The following AGTPBP1 variants were observed in gnomAD, a reference collection of about 807,000 sequenced individuals.
AGTPBP1 encodes the protein ATP/GTP binding carboxypeptidase 1.
In AGTPBP1, 70 loss-of-function variants were observed where a neutral mutation model predicts 143.9. The ratio of observed to expected loss-of-function variants is 0.49; its 90% CI spans 0.40 to 0.59. AGTPBP1 has a LOEUF of 0.59. AGTPBP1 is among the 20% of genes least tolerant of loss of function. The probability of loss-of-function intolerance (pLI) is 0.00; values close to 1 mark genes in which losing one functional copy is unlikely to be tolerated. For synonymous variants in AGTPBP1, 463 were observed against 500.2 expected, an observed-to-expected ratio of 0.93 and a Z score of 0.99; for missense variants, 1,229 against 1,464.5, an observed-to-expected ratio of 0.84 and a Z score of 2.62.
At chr9:85,708,930 A>C (rs2134447705) in intron 2 of AGTPBP1, among the ~76,000 whole-genome samples, 1 of 152,296 alleles carries the variant, frequency 6.6e-6, no homozygotes, top group South Asian at 2.1e-4. Context: ...AAATAATACC[A>C]ATTATATACA....
At chr9:85,633,442 ATTC>A in intron 13 of AGTPBP1, 68 bp from the exon 14 acceptor site, 1 of 1,199,530 alleles carries the variant, frequency 8.3e-7, no homozygotes, top group Non-Finnish European at 1.1e-6. Flanking sequence ...AAACTAATAC[ATTC>A]ATGTTATATA....
chr9:85,681,327 T>C lies in AGTPBP1; in HGVS notation c.166A>G (p.Arg56Gly). The C allele has an allele frequency of 1.9e-6, 3 of 1,611,490 alleles. No individual in the cohort carries two copies. Among genetic ancestry groups the C allele is most frequent in the Non-Finnish European group, 2.5e-6 (3 of 1,179,490 alleles). Residue 56 changes from arginine (R) to glycine (G), a missense_variant, in exon 4 of 26, where the codon AGG (arginine) becomes GGG (glycine). This residue lies in a region of AGTPBP1 where 743 missense variants were observed against 812.2 expected (regional missense o/e 0.91). Transcript: ENST00000357081. ...GAACCTTTGGCTGTCATTTCTCTCC[T>C]TGTTTTTTCTGAAAAGTAGCAAACA... ...LHLAQSQEKT[R>G]REMTAKGSTG...
intron 3 of AGTPBP1, among the ~76,000 whole-genome samples, chr9:85,682,264 A>G (rs1835237164): frequency 6.6e-6 from 1 of 151,964 alleles, no homozygotes; most frequent in Admixed American, 6.6e-5. Context: ...TTTGATTAGC[A>G]AAAGAAGAAA....
At chr9:85,704,548 T>C (rs1361171820) in intron 2 of AGTPBP1, among the ~76,000 whole-genome samples, 3 of 152,214 alleles carry the variant, frequency 2.0e-5, no homozygotes, top group African/African-American at 4.8e-5. Context: ...TTTAGTCAGA[T>C]AGACTGAGAA....
At chr9:85,634,156 T>C (rs990859979) in intron 13 of AGTPBP1, among the ~76,000 whole-genome samples, 46 of 135,024 alleles carry the variant, frequency 3.4e-4, no homozygotes, top group African/African-American at 1.2e-3. Flanking sequence ...ATCATGCCAC[T>C]GCACTCCAGC....
At chr9:85,580,674 C>T (rs1978528) in intron 23 of AGTPBP1, among the ~76,000 whole-genome samples, 43,490 of 152,004 alleles carry the variant, frequency 0.29, 9,339 homozygotes, top group African/African-American at 0.59. Context: ...CTATCGTTCA[C>T]GGTATTTGGT....
At chr9:85,693,489 T>C (rs1391456345) in intron 2 of AGTPBP1, among the ~76,000 whole-genome samples, 2 of 152,016 alleles carry the variant, frequency 1.3e-5, no homozygotes, top group African/African-American at 2.4e-5. Context: ...TCCCAGCTAC[T>C]TGGGAGGCTG....
At chr9:85,719,466 G>A (rs890686646) in intron 1 of AGTPBP1, among the ~76,000 whole-genome samples, 5 of 151,562 alleles carry the variant, frequency 3.3e-5, no homozygotes, top group Admixed American at 2.0e-4. Flanking sequence ...GGCTCTGTCT[G>A]TAATTGGTGT....
intron 2 of AGTPBP1, among the ~76,000 whole-genome samples, chr9:85,696,743 T>C (rs1049175867): frequency 4.6e-5 from 7 of 151,902 alleles, no homozygotes; most frequent in Non-Finnish European, 1.0e-4. Flanking sequence ...AAATGACCAA[T>C]GCATGGTGTT....
chr9:85,676,155 T>C (rs1338452557), intron 6 of AGTPBP1, among the ~76,000 whole-genome samples: 2 of 152,218 alleles, frequency 1.3e-5, no homozygotes, highest in Non-Finnish European at 2.9e-5. Flanking sequence ...CAAAATTTAG[T>C]AAGACCTGGA....
At position 85,716,593 on chromosome 9, in the gene AGTPBP1, A is replaced by G. The variant is rs1587965426; in HGVS notation, c.-33-4027T>C. On this transcript the variant is annotated intron_variant, in intron 1 of 25. Coordinates refer to ENST00000357081, the MANE Select transcript of AGTPBP1 (RefSeq NM_001330701.2). ...CCTGTCCCACATCCAATACATCAGA[A>G]AGTCTTGATAATTCTACTTTTAAAA... Among the ~76,000 whole-genome samples, 5 of 152,146 alleles carry G rather than the reference A, an allele frequency of 3.3e-5. No individual in the cohort carries two copies. In the South Asian group the frequency reaches 1.0e-3, roughly 32 times the overall value.
intron 8 of AGTPBP1, among the ~76,000 whole-genome samples, chr9:85,667,969 A>T (rs893742376): frequency 3.3e-4 from 50 of 151,732 alleles, no homozygotes; most frequent in African/African-American, 1.1e-3. Flanking sequence ...TACCGTTAAT[A>T]TTGTTGGGCA....
chr9:85,580,430 G>A (rs973987537), intron 23 of AGTPBP1, among the ~76,000 whole-genome samples: 6 of 150,364 alleles, frequency 4.0e-5, no homozygotes, highest in Admixed American at 2.0e-4. Flanking sequence ...ATGGAGTCTC[G>A]CACTGTTGCT....
chr9:85,763,959 C>G, the AGTPBP1 span, among the ~76,000 whole-genome samples: 2 of 151,964 alleles, frequency 1.3e-5, no homozygotes, highest in African/African-American at 4.8e-5. Flanking sequence ...ATAAATCTGG[C>G]CATATTTTCT....
At chr9:85,556,410 CAAA>C (rs1284978571) in intron 25 of AGTPBP1, among the ~76,000 whole-genome samples, 1 of 151,752 alleles carries the variant, frequency 6.6e-6, no homozygotes, top group Non-Finnish European at 1.5e-5. Context: ...GAATTAATCT[CAAA>C]GAAGGTGAGA....
chr9:85,644,973 T>C (rs80326817), intron 12 of AGTPBP1, among the ~76,000 whole-genome samples: 6,427 of 152,158 alleles, frequency 0.042, 332 homozygotes, highest in East Asian at 0.25. Flanking sequence ...AACAATTCCA[T>C]AGTTCTTGAA....
the AGTPBP1 span, among the ~76,000 whole-genome samples, chr9:85,765,304 T>G: frequency 6.6e-6 from 1 of 152,314 alleles, no homozygotes; most frequent in East Asian, 1.9e-4. Flanking sequence ...TGAAGGATAC[T>G]AGGTAATTTA....
At chr9:85,765,563 T>C in the AGTPBP1 span, among the ~76,000 whole-genome samples, 1 of 152,172 alleles carries the variant, frequency 6.6e-6, no homozygotes, top group East Asian at 1.9e-4. Flanking sequence ...GGCTGTCAAA[T>C]TGCCCCAGAC....
intron 8 of AGTPBP1, among the ~76,000 whole-genome samples, chr9:85,661,218 G>T (rs746465253): frequency 1.3e-5 from 2 of 151,972 alleles, no homozygotes; most frequent in Non-Finnish European, 2.9e-5. Flanking sequence ...GAAAGAAAAA[G>T]AAGGAAATTA....
Sources: gnomAD v4.1 joint callset for allele counts (sites outside exome capture counted in the v4.1 genomes callset) on GRCh38, gnomAD v4.1.1 for gene constraint, gnomAD v4.1.1 regional missense constraint, MANE v1.5 for transcripts, NCBI Gene and HGNC (gene_info 2026-07-23, HGNC 2026-07-21) for gene names.